Variants in SORBS2 observed in about 807,000 individuals in gnomAD.
The protein encoded by SORBS2 is sorbin and SH3 domain-containing protein 2.
SORBS2 carries 46 observed loss-of-function variants against 97.7 expected under a neutral mutation model. The ratio of observed to expected loss-of-function variants is 0.47; its 90% CI spans 0.37 to 0.60. SORBS2 has a LOEUF of 0.60. SORBS2 is among the 20% of genes least tolerant of loss of function. The pLI is 0.00. For synonymous variants in SORBS2, 476 were observed against 473.4 expected, an observed-to-expected ratio of 1.01 and a Z score of -0.07; for missense variants, 1,316 against 1,282.3, an observed-to-expected ratio of 1.03 and a Z score of -0.40.
At chr4:185,754,366 C>T (rs576270141) in intron 2 of SORBS2, among the ~76,000 whole-genome samples, 1 of 152,094 alleles carries the variant, frequency 6.6e-6, no homozygotes, top group Non-Finnish European at 1.5e-5. Flanking sequence ...TTACCTGGGT[C>T]ATGAAATAAT....
exon 5 of SORBS2, chr4:185,630,591 A>G: frequency 1.9e-6 from 3 of 1,598,088 alleles, no homozygotes; most frequent in Non-Finnish European, 2.6e-6. Context: ...GGACTGATAC[A>G]AGGAGGCCTG....
intron 1 of SORBS2, among the ~76,000 whole-genome samples, chr4:185,853,789 C>G (rs1046741995): frequency 2.0e-5 from 3 of 152,028 alleles, no homozygotes; most frequent in South Asian, 2.1e-4. Context: ...GTCTAAGAAC[C>G]TGGAATGAGT....
chr4:185,811,283 TTC>T (rs1255985823), intron 1 of SORBS2, among the ~76,000 whole-genome samples: 2 of 152,254 alleles, frequency 1.3e-5, no homozygotes, highest in Non-Finnish European at 2.9e-5. Context: ...TCTCATGTAG[TTC>T]TTTTTCATGT....
In SORBS2 at chr4:185,845,719, C is replaced by T. The variant is rs2099214167; in HGVS notation, c.-337-70353G>A. Among the ~76,000 whole-genome samples the T allele has an allele frequency of 2.0e-5, 3 of 151,830 alleles. No homozygotes were observed. In the South Asian group the frequency reaches 6.2e-4, roughly 32 times the overall value. ...CTCAACAATAATAAAACAAACAACCCAATTTAAAAAAAGAAGCAAAAAAAT... is the reference window on the plus strand; with the variant it reads ...CTCAACAATAATAAAACAAACAACCTAATTTAAAAAAAGAAGCAAAAAAAT... On this transcript the variant is annotated intron_variant, in intron 1 of 20. Coordinates refer to the SORBS2 transcript ENST00000284776.
chr4:185,732,588 T>C (rs893800397), intron 2 of SORBS2, among the ~76,000 whole-genome samples: 5 of 152,100 alleles, frequency 3.3e-5, no homozygotes, highest in African/African-American at 1.2e-4. Context: ...GCAGAGTGGG[T>C]CAGTTCTGCA....
intron 2 of SORBS2, among the ~76,000 whole-genome samples, chr4:185,716,303 G>A (rs1190818563): frequency 6.6e-6 from 1 of 152,172 alleles, no homozygotes; most frequent in East Asian, 1.9e-4. Context: ...TTCAGAAAGT[G>A]ACTTATCCTC....
intron 2 of SORBS2, among the ~76,000 whole-genome samples, chr4:185,686,673 C>T (rs571800876): frequency 5.3e-5 from 8 of 152,350 alleles, no homozygotes; most frequent in African/African-American, 1.9e-4. Context: ...AAAGTAAAAA[C>T]TGACATCACT....
At chr4:185,933,582 C>T (rs992345925) in intron 1 of SORBS2, among the ~76,000 whole-genome samples, 1 of 152,064 alleles carries the variant, frequency 6.6e-6, no homozygotes, top group Admixed American at 6.6e-5. Flanking sequence ...GGCTTGTAGA[C>T]GCATCACCTG....
intron 2 of SORBS2, among the ~76,000 whole-genome samples, chr4:185,766,125 C>T (rs74890850): frequency 0.028 from 4,300 of 152,300 alleles, 196 homozygotes; most frequent in African/African-American, 0.097. Context: ...TTTTCTACTT[C>T]AGAATGAGGC....
intron 1 of SORBS2, among the ~76,000 whole-genome samples, chr4:185,776,899 CA>C (rs34135817): frequency 0.035 from 3,917 of 111,064 alleles, 192 homozygotes; most frequent in East Asian, 0.24. Context: ...GACTCCATCT[CA>C]AAAAAAAAAA....
chr4:185,891,632 C>G (rs2099242571), intron 1 of SORBS2, among the ~76,000 whole-genome samples: 1 of 152,202 alleles, frequency 6.6e-6, no homozygotes, highest in South Asian at 2.1e-4. Flanking sequence ...TGAGGCCTCA[C>G]TCACAAGGAG....
chr4:185,798,951 G>A (rs1312016556), intron 1 of SORBS2, among the ~76,000 whole-genome samples: 1 of 151,772 alleles, frequency 6.6e-6, no homozygotes, highest in East Asian at 1.9e-4. Flanking sequence ...CTTCTTTTTT[G>A]AACTTGAAAT....
At position 185,678,551 on chromosome 4, in the gene SORBS2, T is replaced by A; in HGVS notation, c.-170-4A>T. 1 of 1,533,216 alleles carries A rather than the reference T, an allele frequency of 6.5e-7. No homozygotes were observed. The highest frequency in any genetic ancestry group is 1.3e-5 in the South Asian group (1 of 79,280). 95.0% of individuals were successfully genotyped at this position (1,533,216 alleles called of 1,614,324 possible). ...CCATCATTGTAAGATCTCCAAGCTT[T>A]CATTAAGGGAAAACAATTGGATACA... On this transcript the variant is annotated splice_region_variant and splice_polypyrimidine_tract_variant and intron_variant, in intron 3 of 20. Transcript: ENST00000284776.
chr4:185,615,227 G>T (rs532983477), intron 9 of SORBS2, 68 bp from the exon 22 acceptor site: 6 of 907,888 alleles, frequency 6.6e-6, no homozygotes, highest in Non-Finnish European at 1.1e-5. Flanking sequence ...CAACACCCTC[G>T]CTAGATCTGC....
rs905326623 is a variant in SORBS2 at position 185,683,680 on chromosome 4, A to G, written c.-197-4858T>C. On this transcript the variant is annotated intron_variant, in intron 2 of 20. Transcript: ENST00000284776. ...CTTGCATTTTCTTTTAACTTAATATATAACTGAACTCACTAGCCTGGCATT... is the reference window on the plus strand; with the variant it reads ...CTTGCATTTTCTTTTAACTTAATATGTAACTGAACTCACTAGCCTGGCATT... Among the ~76,000 whole-genome samples, 13 of 151,270 alleles carry G rather than the reference A, an allele frequency of 8.6e-5. No individual in the cohort carries two copies. The Admixed American group carries it at 8.7e-4, about 10-fold the overall frequency.
chr4:185,646,783 C>A lies in SORBS2; in HGVS notation c.282-1G>T, dbSNP rs2097214512. 6.4e-7 allele frequency: 1 copy of A among 1,566,618 alleles called. No individual in the cohort carries two copies. The highest frequency in any genetic ancestry group is 1.1e-5 in the South Asian group (1 of 90,084). Reference sequence around the variant, plus strand: ...TCTGTCTGGAGGATCCCAGTCATGCCTAGAAATAAACAATAAATCACACAT... The same window carrying A: ...TCTGTCTGGAGGATCCCAGTCATGCATAGAAATAAACAATAAATCACACAT... On this transcript the variant is annotated splice_acceptor_variant, in intron 3 of 14. Transcript: ENST00000418609. LOFTEE classifies it high-confidence loss of function.
chr4:185,674,293 A>G (rs1440683123), intron 4 of SORBS2, among the ~76,000 whole-genome samples: 1 of 152,176 alleles, frequency 6.6e-6, no homozygotes, highest in Non-Finnish European at 1.5e-5. Flanking sequence ...TTCCAGTTGG[A>G]GTCAACCTTG....
At chr4:185,885,516 C>T (rs2099238949) in intron 1 of SORBS2, among the ~76,000 whole-genome samples, 1 of 152,212 alleles carries the variant, frequency 6.6e-6, no homozygotes, top group African/African-American at 2.4e-5. Flanking sequence ...AGGTCACCTG[C>T]ATTGCCAATG....
chr4:185,943,804 A>G (rs72709784), intron 1 of SORBS2, among the ~76,000 whole-genome samples: 19,707 of 152,266 alleles, frequency 0.13, 1,569 homozygotes, highest in Middle Eastern at 0.24. Flanking sequence ...CATGTAATAC[A>G]ATGCCCTTAC....
Sources: allele counts gnomAD v4.1 joint callset (sites outside exome capture counted in the v4.1 genomes callset), GRCh38; gene constraint gnomAD v4.1.1; transcripts MANE v1.5; gene names NCBI Gene and HGNC (gene_info 2026-07-23, HGNC 2026-07-21).